The following CEP295NL variants were observed in gnomAD, a reference collection of about 807,000 sequenced individuals.
CEP295NL encodes the protein protein DDC8 homolog.
A neutral mutation model predicts 4.6 loss-of-function variants in CEP295NL; 3 were observed. That is an observed-to-expected ratio of 0.65 (90% CI 0.30 to 1.69). The LOEUF is 1.69. Ranked by LOEUF, CEP295NL falls within the 40% of genes most tolerant of loss-of-function variation. The pLI, the probability that CEP295NL is intolerant of heterozygous loss-of-function variation, is 0.10. For missense variants in CEP295NL, 719 were observed against 769.0 expected (o/e 0.93, Z 0.77); for synonymous variants, 295 against 312.2 (o/e 0.94, Z 0.58).
rs1029278688 is a variant in CEP295NL, at chr17:78,896,978, C to T, written c.45-4519G>A. ...CCTCTGGCCTACAGCTTGAGAATGA[C>T]GTCCAAGCAGCTCGCCTTTCCCTGG... On this transcript the variant is annotated intron_variant, in intron 2 of 2. Coordinates refer to ENST00000322630, the MANE Select transcript of CEP295NL (RefSeq NM_001243540.2). The surrounding 1 kb of genome is among the most constrained non-coding windows in gnomAD (Gnocchi z 4.4). 7 of 985,388 alleles carry T rather than the reference C, an allele frequency of 7.1e-6. No homozygotes were observed. Among genetic ancestry groups the T allele is most frequent in the Middle Eastern group, 5.2e-4 (1 of 1,914 alleles). The allele number at this position is 985,388 out of a possible 1,614,324, so 61.0% of individuals were successfully genotyped here.
Position 78,891,103 on chromosome 17 carries a change from G to C in CEP295NL, c.1401C>G (p.Ser467Arg). Residue 467 changes from serine (S) to arginine (R), a missense_variant, in exon 3 of 3, where the codon AGC becomes AGG. Transcript: ENST00000322630. This position sits in a 1 kb window ranked among gnomAD's most constrained non-coding sequence, Gnocchi z 4.5. ...FINKEDSLLY[S>R]TESGQETPKL... ...TGGGGGTCTCTTGTCCAGATTCAGT[G>C]CTATACAATAATGAGTCCTCTTTGT... 1 of 1,550,828 alleles carries C rather than the reference G, an allele frequency of 6.4e-7. No homozygotes were observed. The highest frequency in any genetic ancestry group is 1.7e-4 in the Middle Eastern group (1 of 5,992).
chr17:78,891,194 C>A lies in CEP295NL; in HGVS notation c.1310G>T (p.Gly437Val). ...MGKAQNQKYQ[G>V]TVKPTFRNGS... ...ATTTCTAAACGTGGGCTTGACCGTGCCCTGATATTTTTGGTTCTGGGCCTT... is the reference window on the plus strand; with the variant it reads ...ATTTCTAAACGTGGGCTTGACCGTGACCTGATATTTTTGGTTCTGGGCCTT... Residue 437 changes from glycine to valine, a missense_variant, in exon 3 of 3, where the codon GGC becomes GTC. Transcript: ENST00000322630. This position sits in a 1 kb window ranked among gnomAD's most constrained non-coding sequence, Gnocchi z 4.5. 6.4e-7 allele frequency: 1 copy of A among 1,550,686 alleles called. No individual in the cohort carries two copies. The highest frequency in any genetic ancestry group is 8.7e-7 in the Non-Finnish European group (1 of 1,147,026).
rs536798002 is a variant in CEP295NL at position 78,892,446 on chromosome 17, G to A, written c.58C>T (p.Arg20Cys). The change falls in exon 3 of 3, where the codon CGT becomes TGT. Residue 20 changes from arginine (R) to cysteine (C), a missense_variant. By Grantham distance (180) the Arg-to-Cys change is radical (BLOSUM62 -3). Coordinates refer to ENST00000322630, the MANE Select transcript of CEP295NL (RefSeq NM_001243540.2). ...CCTGAGGAGCCACAGAAGCCACAAC[G>A]TTCCACAGCAAACCTACGAGGAAGG... The part of the protein sequence containing the change: ...IWRHTQFAVE[R>C]CGFCGSSGPG... 32 of 1,548,524 alleles carry A rather than the reference G, an allele frequency of 2.1e-5. No individual in the cohort carries two copies. Among genetic ancestry groups the A allele is most frequent in the African/African-American group, 6.8e-5 (5 of 73,090 alleles).
intron 2 of CEP295NL, chr17:78,897,017 C>G (rs2070012084): frequency 1.0e-6 from 1 of 985,294 alleles, no homozygotes; most frequent in Non-Finnish European, 1.2e-6. Context: ...GCCGCTCAGA[C>G]AGCTTTTCAG....
chr17:78,900,333 G>A (rs115243328), intron 2 of CEP295NL, among the ~76,000 whole-genome samples: 3,430 of 152,148 alleles, frequency 0.023, 125 homozygotes, highest in African/African-American at 0.079. Context: ...ATCACCTCAC[G>A]ACAGGAGTTC....
At position 78,890,982 on chromosome 17, in the gene CEP295NL, C is replaced by CT. The variant is rs1253433125; in HGVS notation, c.1521dup (p.Glu508ArgfsTer14). ...TGTTTTTGTCTTCTCTGCTCCATCT[C>CT]TGCTTTCTGCCTTTGCCTGGATGCC... On this transcript the variant is annotated frameshift_variant, in exon 3 of 3. Coordinates refer to ENST00000322630, the MANE Select transcript of CEP295NL (RefSeq NM_001243540.2). LOFTEE classifies it low-confidence loss of function (END_TRUNC). 1 of 1,551,254 alleles carries CT rather than the reference C, an allele frequency of 6.4e-7. No individual in the cohort carries two copies. Among genetic ancestry groups the CT allele is most frequent in the Admixed American group, 2.0e-5 (1 of 51,014 alleles).
intron 2 of CEP295NL, chr17:78,897,095 AC>A (rs3833175): frequency 0.16 from 97,910 of 627,596 alleles, 12,710 homozygotes; most frequent in African/African-American, 0.54. Context: ...CACAGACAGC[AC>A]CCCCCCGCCC....
intron 2 of CEP295NL, among the ~76,000 whole-genome samples, chr17:78,895,685 G>A (rs2069987923): frequency 6.6e-6 from 1 of 152,210 alleles, no homozygotes; most frequent in Non-Finnish European, 1.5e-5. Context: ...GCTCAGAGAG[G>A]TTGAATAACT....
chr17:78,893,236 TGTGTGTGTAGGA>T (rs1261944148), intron 2 of CEP295NL, among the ~76,000 whole-genome samples: 1 of 135,602 alleles, frequency 7.4e-6, no homozygotes, highest in Non-Finnish European at 1.6e-5. Flanking sequence ...TGTGTGTGCA[TGTGTGTGTAGGA>T]GTGTGTGTGC....
chr17:78,891,542 T>C lies in CEP295NL; in HGVS notation c.962A>G (p.Glu321Gly), dbSNP rs560639210. 1.9e-6 allele frequency: 3 copies of C among 1,551,016 alleles called. No homozygotes were observed. The South Asian group carries it at 3.6e-5, about 18-fold the overall frequency. ...LWPADSSCRREAVSPASQCTL... is the reference protein window; with the variant it reads ...LWPADSSCRRGAVSPASQCTL... ...GCACTGAGATGCTGGGGACACGGCTTCCCTTCTGCAGCTGGAATCAGCTGG... is the reference window on the plus strand; with the variant it reads ...GCACTGAGATGCTGGGGACACGGCTCCCCTTCTGCAGCTGGAATCAGCTGG... The change falls in exon 3 of 3, where the codon GAA becomes GGA. Residue 321 changes from glutamate to glycine, a missense_variant. By Grantham distance (98) the Glu-to-Gly change is moderately conservative. Transcript: ENST00000322630. This position sits in a 1 kb window ranked among gnomAD's most constrained non-coding sequence, Gnocchi z 4.5.
chr17:78,893,208 T>C (rs1312133713), intron 2 of CEP295NL, among the ~76,000 whole-genome samples: 3 of 130,394 alleles, frequency 2.3e-5, no homozygotes, highest in Non-Finnish European at 4.9e-5. Context: ...AGGATGTGTG[T>C]GCATGTGTGT....
rs2069946715 is a variant in CEP295NL at position 78,893,419 on chromosome 17, GTGTGTGTGCAGGGGTGTGTGCGTGGGGC to G, written c.45-988_45-961del. 5.7e-5 allele frequency among the ~76,000 whole-genome samples: 7 copies of G among 123,892 alleles called. No homozygotes were observed. The South Asian group carries it at 1.5e-3, about 27-fold the overall frequency. 81.3% of individuals were successfully genotyped at this position (123,892 alleles called of 152,430 possible). A position where few individuals can be genotyped will look rare whatever the true frequency, so the allele number is the denominator to read the frequency against. On this transcript the variant is annotated intron_variant, in intron 2 of 2. Transcript: ENST00000322630. ...TATGCAGGGGTGTGTGTGCATAGGG[GTGTGTGTGCAGGGGTGTGTGCGTGGGGC>G]TGTGTGTGCAGGGGTGTGTGTGCAT...
rs771290378 is a variant in CEP295NL, at chr17:78,891,294, C to T, written c.1210G>A (p.Gly404Arg). Residue 404 changes from glycine (G) to arginine (R), a missense_variant, in exon 3 of 3, where the codon GGG (glycine) becomes AGG (arginine). Transcript: ENST00000322630. This position sits in a 1 kb window ranked among gnomAD's most constrained non-coding sequence, Gnocchi z 4.5. The stretch of plus-strand genomic sequence containing the variant: ...TCCTCTGCTGGGCTCCTGGGTTCCC[C>T]GGCAGGCAGCATCTCTGGGTCTGCC... ...KMADPEMLPA[G>R]EPRSPAEEEA... 2.8e-5 allele frequency: 43 copies of T among 1,550,408 alleles called. No individual in the cohort carries two copies. The highest frequency in any genetic ancestry group is 1.1e-4 in the African/African-American group (8 of 73,018).
intron 2 of CEP295NL, among the ~76,000 whole-genome samples, chr17:78,893,504 G>A (rs1301490379): frequency 1.3e-5 from 2 of 149,576 alleles, no homozygotes; most frequent in Non-Finnish European, 2.9e-5. Flanking sequence ...TGTGCGCGCA[G>A]GGGTGTGTGC....
In CEP295NL at chr17:78,896,448, G is replaced by A. The variant is rs2070001129; in HGVS notation, c.45-3989C>T. ...ACACTTGCCAATGAAGACAGCCATG[G>A]TTCCAATCAGGGCCCTCGCTACAGC... On this transcript the variant is annotated intron_variant, in intron 2 of 2. Coordinates refer to ENST00000322630, the MANE Select transcript of CEP295NL (RefSeq NM_001243540.2). The surrounding 1 kb of genome is among the most constrained non-coding windows in gnomAD (Gnocchi z 4.4). Among the ~76,000 whole-genome samples the A allele has an allele frequency of 6.6e-6, 1 of 152,180 alleles. No individual in the cohort carries two copies. Among genetic ancestry groups the A allele is most frequent in the African/African-American group, 2.4e-5 (1 of 41,448 alleles).
Position 78,891,369 on chromosome 17 carries a change from A to G in CEP295NL, c.1135T>C (p.Phe379Leu). ...GCGCCACACTCTTGCATCTCTGAGA[A>G]GGCATGCCCTTCCCCAGGTCTCTGG... ...MDQRPGEGHA[F>L]SEMQECGAGT... Residue 379 changes from phenylalanine (F) to leucine (L), a missense_variant, in exon 3 of 3, where the codon TTC becomes CTC. Physicochemically the swap from Phe to Leu is conservative, Grantham distance 22 (BLOSUM62 0). Transcript: ENST00000322630. This position sits in a 1 kb window ranked among gnomAD's most constrained non-coding sequence, Gnocchi z 4.5. The G allele has an allele frequency of 6.4e-7, 1 of 1,550,572 alleles. No individual in the cohort carries two copies. Among genetic ancestry groups the G allele is most frequent in the South Asian group, 1.2e-5 (1 of 84,062 alleles).
rs1431189238 is a variant in CEP295NL, at chr17:78,891,532, G to A, written c.972C>T (p.Ser324=). 1 of 1,551,016 alleles carries A rather than the reference G, an allele frequency of 6.4e-7. No homozygotes were observed. Among genetic ancestry groups the A allele is most frequent in the Non-Finnish European group, 8.7e-7 (1 of 1,147,092 alleles). The change falls in exon 3 of 3, where the codon TCC becomes TCT. Residue 324 remains serine, a synonymous_variant. Coordinates refer to ENST00000322630, the MANE Select transcript of CEP295NL (RefSeq NM_001243540.2). The surrounding 1 kb of genome is among the most constrained non-coding windows in gnomAD (Gnocchi z 4.5). ...ADSSCRREAV[S]PASQCTLREK... is the part of the protein sequence containing the mutation. ...CCCGGAGCGTGCACTGAGATGCTGG[G>A]GACACGGCTTCCCTTCTGCAGCTGG...
rs540947841 is a variant in CEP295NL, at chr17:78,893,487, AG to A, written c.45-1029del. ...TGTGTGTGCATAGCGGTGTGTGTGC[AG>A]GGGTGTGTGCGCGCAGGGGTGTGTG... On this transcript the variant is annotated intron_variant, in intron 2 of 2. Coordinates refer to ENST00000322630, the MANE Select transcript of CEP295NL (RefSeq NM_001243540.2). Among the ~76,000 whole-genome samples the A allele has an allele frequency of 3.0e-3, 413 of 139,856 alleles. 2 individuals carry two copies. Among genetic ancestry groups the A allele is most frequent in the African/African-American group, 0.01 (384 of 36,698 alleles). The allele number at this position is 139,856 out of a possible 152,430, so 91.8% of individuals were successfully genotyped here.
chr17:78,901,744 A>G (rs1458137512), intron 2 of CEP295NL, 41 bp downstream of exon 2: 1 of 717,380 alleles, frequency 1.4e-6, no homozygotes, highest in Admixed American at 2.0e-5. Flanking sequence ...TGTCACCACG[A>G]GAAGCACCTG....
Sources: allele counts gnomAD v4.1 joint callset (sites outside exome capture counted in the v4.1 genomes callset), GRCh38; gene constraint gnomAD v4.1.1; non-coding constraint Gnocchi (gnomAD v3.1); transcripts MANE v1.5; gene names NCBI Gene and HGNC (gene_info 2026-07-23, HGNC 2026-07-21).